The following DPY19L3 variants were observed in gnomAD, a reference collection of about 807,000 sequenced individuals.
DPY19L3 encodes protein C-mannosyl-transferase DPY19L3.
DPY19L3 carries 51 observed loss-of-function variants against 92.3 expected under a neutral mutation model. The ratio of observed to expected loss-of-function variants is 0.55; its 90% CI spans 0.44 to 0.70. DPY19L3 has a LOEUF of 0.70. DPY19L3 is among the 30% of genes least tolerant of loss of function. DPY19L3 has a pLI of 0.00. For synonymous variants in DPY19L3, 309 were observed against 315.2 expected, an observed-to-expected ratio of 0.98 and a Z score of 0.21; for missense variants, 706 against 855.9, an observed-to-expected ratio of 0.82 and a Z score of 2.18.
rs543298751 is a variant in DPY19L3 at position 32,462,592 on chromosome 19, T to C, written c.1323-774T>C. 1.7e-4 allele frequency among the ~76,000 whole-genome samples: 26 copies of C among 152,302 alleles called. No individual in the cohort carries two copies. The East Asian group carries it at 4.8e-3, about 28-fold the overall frequency. The stretch of plus-strand genomic sequence containing the variant: ...GAAGCATGAAACGTATAACCACCAC[T>C]GTGAGCCACACCTGGGAGACGGGAA... On this transcript the variant is annotated intron_variant, in intron 12 of 18. Coordinates refer to ENST00000392250, the MANE Select transcript of DPY19L3 (RefSeq NM_001172774.2).
rs1967920377 is a variant in DPY19L3, at chr19:32,405,875, C to T, written c.-72C>T. On this transcript the variant is annotated 5_prime_UTR_variant, in exon 1 of 19. Coordinates refer to ENST00000392250, the MANE Select transcript of DPY19L3 (RefSeq NM_001172774.2). ...CTAGCCCCGTCGGCCTCCTTCCCCTCCCGGAGCCGCGCGTGAGGACGGCTG... is the reference window on the plus strand; with the variant it reads ...CTAGCCCCGTCGGCCTCCTTCCCCTTCCGGAGCCGCGCGTGAGGACGGCTG... 2 of 152,164 alleles carry T rather than the reference C, an allele frequency of 1.3e-5. No homozygotes were observed. The highest frequency in any genetic ancestry group is 4.1e-4 in the South Asian group (2 of 4,832). 9.4% of individuals were successfully genotyped at this position (152,164 alleles called of 1,614,324 possible). A position where few individuals can be genotyped will look rare whatever the true frequency, so the allele number is the denominator to read the frequency against.
intron 3 of DPY19L3, among the ~76,000 whole-genome samples, chr19:32,423,197 A>G (rs1568328798): frequency 6.6e-6 from 1 of 152,134 alleles, no homozygotes; most frequent in Non-Finnish European, 1.5e-5. Flanking sequence ...TGATATAAAT[A>G]ATGTTATATT....
At chr19:32,467,725 T>C in intron 15 of DPY19L3, 2 of 987,068 alleles carry the variant, frequency 2.0e-6, no homozygotes, top group South Asian at 4.7e-5. Context: ...TATGCTAATA[T>C]GTGAAGTGAA....
chr19:32,416,470 G>C (rs1568324844), intron 3 of DPY19L3, among the ~76,000 whole-genome samples: 1 of 152,028 alleles, frequency 6.6e-6, no homozygotes, highest in East Asian at 1.9e-4. Context: ...CACGTTTGGG[G>C]CCCCCCCAGG....
At chr19:32,410,030 A>G (rs567994239) in intron 2 of DPY19L3, among the ~76,000 whole-genome samples, 35 of 152,176 alleles carry the variant, frequency 2.3e-4, no homozygotes, top group Non-Finnish European at 4.6e-4. Flanking sequence ...CATTCCAGAG[A>G]GGCACCAATT....
chr19:32,449,108 A>G (rs1324459560), intron 8 of DPY19L3, among the ~76,000 whole-genome samples: 1 of 152,220 alleles, frequency 6.6e-6, no homozygotes, highest in Non-Finnish European at 1.5e-5. Context: ...GAGTTCCTGC[A>G]AATCCATGAG....
At chr19:32,457,996 G>A (rs1177862596) in intron 10 of DPY19L3, 104 bp from the exon 11 acceptor site, 15 of 824,114 alleles carry the variant, frequency 1.8e-5, no homozygotes, top group South Asian at 1.7e-5. Context: ...ACACCCACAC[G>A]CTCCTGTGAA....
intron 12 of DPY19L3, among the ~76,000 whole-genome samples, chr19:32,462,669 T>C (rs992751843): frequency 5.9e-5 from 9 of 152,106 alleles, no homozygotes; most frequent in Admixed American, 2.6e-4. Context: ...GGCCTGTTTT[T>C]TAAAAAAAGG....
chr19:32,421,583 G>T (rs1968567893), intron 3 of DPY19L3, among the ~76,000 whole-genome samples: 1 of 148,782 alleles, frequency 6.7e-6, no homozygotes, highest in Non-Finnish European at 1.5e-5. Context: ...AGTCGAGATT[G>T]CACCACTGCA....
chr19:32,456,649 G>A (rs969118654), intron 10 of DPY19L3, among the ~76,000 whole-genome samples: 1 of 151,900 alleles, frequency 6.6e-6, no homozygotes, highest in Non-Finnish European at 1.5e-5. Flanking sequence ...GCCCAGGCTG[G>A]TCTCAAACAC....
At chr19:32,408,609 C>T (rs1276703104) in intron 2 of DPY19L3, among the ~76,000 whole-genome samples, 1 of 152,162 alleles carries the variant, frequency 6.6e-6, no homozygotes, top group African/African-American at 2.4e-5. Flanking sequence ...CATCCTTTGA[C>T]TCTCTAGAGT....
chr19:32,481,261 G>GA (rs534276948), intron 18 of DPY19L3: 1,700 of 147,336 alleles, frequency 0.012, 30 homozygotes, highest in African/African-American at 0.04. Context: ...GCCTAAATTT[G>GA]AAAAAAAAAA....
chr19:32,458,660 C>G, intron 12 of DPY19L3, 151 bp downstream of exon 12: 1 of 809,220 alleles, frequency 1.2e-6, no homozygotes, highest in East Asian at 2.5e-5. Context: ...GGACTACACT[C>G]CCAGTAGTTA....
chr19:32,474,528 C>G (rs1970448807), intron 16 of DPY19L3, among the ~76,000 whole-genome samples: 3 of 152,172 alleles, frequency 2.0e-5, no homozygotes, highest in Non-Finnish European at 4.4e-5. Flanking sequence ...ACGTGATACA[C>G]TAGGCTCACT....
In DPY19L3 at chr19:32,432,792, C is replaced by G. The variant is rs1969012563; in HGVS notation, c.314C>G (p.Pro105Arg). ...TACTACAAGCAGATGCTGCAGGCTC[C>G]AACCCTCGTGCAAGGTAATTACAAC... The part of the protein sequence containing the change: ...YSYYKQMLQA[P>R]TLVQGFHGLI... Residue 105 changes from proline (P) to arginine (R), a missense_variant, in exon 4 of 19, where the codon CCA becomes CGA. Pro to Arg is a moderately radical substitution (Grantham distance 103, BLOSUM62 -2). Coordinates refer to ENST00000392250, the MANE Select transcript of DPY19L3 (RefSeq NM_001172774.2). 2 of 1,613,836 alleles carry G rather than the reference C, an allele frequency of 1.2e-6. No individual in the cohort carries two copies. The highest frequency in any genetic ancestry group is 1.7e-6 in the Non-Finnish European group (2 of 1,179,868).
At chr19:32,408,584 C>T (rs149868805) in intron 2 of DPY19L3, among the ~76,000 whole-genome samples, 2 of 152,264 alleles carry the variant, frequency 1.3e-5, no homozygotes, top group African/African-American at 2.4e-5. Flanking sequence ...CATTAACTTA[C>T]GGTTCTTCCA....
intron 3 of DPY19L3, among the ~76,000 whole-genome samples, chr19:32,417,058 G>A (rs1968401956): frequency 6.6e-6 from 1 of 152,198 alleles, no homozygotes; most frequent in Admixed American, 6.5e-5. Context: ...GAATAACAAA[G>A]ACACTCTCAT....
intron 2 of DPY19L3, among the ~76,000 whole-genome samples, chr19:32,409,762 T>C (rs912552832): frequency 6.6e-6 from 1 of 152,154 alleles, no homozygotes; most frequent in Non-Finnish European, 1.5e-5. Context: ...GGCTCTTTTT[T>C]AACCAACCAG....
At chr19:32,441,721 C>T (rs902833366) in intron 8 of DPY19L3, among the ~76,000 whole-genome samples, 3 of 152,182 alleles carry the variant, frequency 2.0e-5, no homozygotes, top group Non-Finnish European at 2.9e-5. Flanking sequence ...TGGTCTTGAA[C>T]TCCTGACCTC....
Sources: allele counts gnomAD v4.1 joint callset (sites outside exome capture counted in the v4.1 genomes callset), GRCh38; gene constraint gnomAD v4.1.1; transcripts MANE v1.5; gene names NCBI Gene and HGNC (gene_info 2026-07-23, HGNC 2026-07-21).